The following KIAA1671 variants were observed in gnomAD, a reference collection of about 807,000 sequenced individuals.
The protein encoded by KIAA1671 is uncharacterized protein KIAA1671.
A neutral mutation model predicts 131.2 loss-of-function variants in KIAA1671; 52 were observed. That is an observed-to-expected ratio of 0.40 (90% confidence interval 0.32 to 0.50). KIAA1671 has a LOEUF of 0.50. Ranked by LOEUF, KIAA1671 falls within the 20% of genes least tolerant of loss-of-function variation. The probability of loss-of-function intolerance (pLI) is 0.73; values close to 1 mark genes in which losing one functional copy is unlikely to be tolerated. For synonymous variants in KIAA1671, 1,003 were observed against 961.6 expected, an observed-to-expected ratio of 1.04 and a Z score of -0.80; for missense variants, 2,360 against 2,364.2, an observed-to-expected ratio of 1.00 and a Z score of 0.04.
rs1934849525 is a variant in KIAA1671, at chr22:25,196,987, G to A, written c.*4586G>A. 2.0e-5 allele frequency: 3 copies of A among 152,152 alleles called. No homozygotes were observed. The highest frequency in any genetic ancestry group is 2.0e-4 in the Admixed American group (3 of 15,264). 9.4% of individuals were successfully genotyped at this position (152,152 alleles called of 1,614,324 possible). On this transcript the variant is annotated 3_prime_UTR_variant, in exon 13 of 13. Coordinates refer to ENST00000358431, the MANE Select transcript of KIAA1671 (RefSeq NM_001145206.2). ...AGAGACACACACACACACAAGTATA[G>A]TATATATTTTCCTAACCTTTCTTCT... is the stretch of plus-strand genomic sequence containing the variant.
chr22:25,024,976 G>A (rs911682897), intron 1 of KIAA1671, among the ~76,000 whole-genome samples: 6 of 152,112 alleles, frequency 3.9e-5, no homozygotes, highest in Non-Finnish European at 8.8e-5. Flanking sequence ...TGTGGTCTGT[G>A]TCTGTGTGTG....
chr22:25,034,345 CACG>C (rs1926472561), intron 4 of KIAA1671, among the ~76,000 whole-genome samples: 1 of 152,130 alleles, frequency 6.6e-6, no homozygotes, highest in South Asian at 2.1e-4. Flanking sequence ...CACACCCGGC[CACG>C]ACGTTGTAAT....
chr22:25,096,351 T>C (rs764620437), intron 6 of KIAA1671, among the ~76,000 whole-genome samples: 4 of 152,194 alleles, frequency 2.6e-5, no homozygotes, highest in Non-Finnish European at 5.9e-5. Flanking sequence ...GCTGCCTCTC[T>C]GTGCCTGTTC....
At chr22:25,082,610 A>T (rs1328671673) in intron 6 of KIAA1671, among the ~76,000 whole-genome samples, 1 of 152,186 alleles carries the variant, frequency 6.6e-6, no homozygotes, top group Admixed American at 6.5e-5. Context: ...AGGTGGGAGG[A>T]TCACTTGAAC....
At chr22:25,038,625 T>G in intron 4 of KIAA1671, 135 bp from the exon 5 acceptor site, 9 of 905,586 alleles carry the variant, frequency 9.9e-6, no homozygotes, top group Non-Finnish European at 1.3e-5. Flanking sequence ...ACACTGGGTG[T>G]GTTCATTCTT....
chr22:25,142,682 A>G (rs1932823636), intron 6 of KIAA1671, among the ~76,000 whole-genome samples: 1 of 152,044 alleles, frequency 6.6e-6, no homozygotes. Context: ...GACCAGCCTG[A>G]CTGATATGGT....
intron 6 of KIAA1671, among the ~76,000 whole-genome samples, chr22:25,134,794 C>T (rs1358054556): frequency 6.6e-6 from 1 of 152,170 alleles, no homozygotes; most frequent in African/African-American, 2.4e-5. Context: ...CCACCACTTG[C>T]CAGCTCTGTA....
chr22:25,019,102 A>G (rs1432491146), intron 1 of KIAA1671, among the ~76,000 whole-genome samples: 1 of 140,812 alleles, frequency 7.1e-6, no homozygotes, highest in Non-Finnish European at 1.5e-5. Flanking sequence ...GTTTTAATTA[A>G]GTAATAGCCA....
intron 6 of KIAA1671, among the ~76,000 whole-genome samples, chr22:25,115,617 C>T (rs982904198): frequency 1.3e-5 from 2 of 152,072 alleles, no homozygotes; most frequent in African/African-American, 4.8e-5. Context: ...GTGAGTCCTA[C>T]CTTCCTAGAA....
intron 1 of KIAA1671, among the ~76,000 whole-genome samples, chr22:24,972,209 A>C (rs960372667): frequency 6.6e-6 from 1 of 152,240 alleles, no homozygotes; most frequent in African/African-American, 2.4e-5. Flanking sequence ...CAACTAAAAT[A>C]TTGATCATAA....
chr22:24,975,310 C>CT (rs113950279), intron 1 of KIAA1671, among the ~76,000 whole-genome samples: 2,417 of 138,928 alleles, frequency 0.017, 51 homozygotes, highest in Admixed American at 0.081. Context: ...ATCAGTGATT[C>CT]TTTTTTTTTT....
chr22:25,112,611 C>T (rs769826063), intron 6 of KIAA1671: 1 of 389,734 alleles, frequency 2.6e-6, no homozygotes, highest in South Asian at 1.4e-4. Flanking sequence ...TTCCTGTCCC[C>T]TGTACCTGGG....
At chr22:25,179,379 C>T (rs577570834) in intron 9 of KIAA1671, 1 of 1,606,536 alleles carries the variant, frequency 6.2e-7, no homozygotes, top group East Asian at 2.3e-5. Context: ...CTCGCGCAGC[C>T]GCTCGCGCAG....
chr22:24,955,383 G>T (rs1293671974), intron 1 of KIAA1671, among the ~76,000 whole-genome samples: 1 of 152,196 alleles, frequency 6.6e-6, no homozygotes, highest in African/African-American at 2.4e-5. Context: ...AGGAGGAGGG[G>T]CTGATGCCTT....
chr22:25,029,436 T>C lies in KIAA1671; in HGVS notation c.1437T>C (p.Val479=), dbSNP rs11704674. Residue 479 remains valine (V), a synonymous_variant, in exon 3 of 13, where the codon GTT becomes GTC. Transcript: ENST00000358431. ...AGCCGGAGAAAGGGGTTGTGAGCGT[T>C]CAGGAACGGATCAGAGGCTGGACTG... ...APEPEKGVVS[V]QERIRGWTAE... is the part of the protein sequence containing the mutation. 0.26 allele frequency: 397,827 copies of C among 1,551,130 alleles called. 54,215 individuals carry two copies. The highest frequency in any genetic ancestry group is 0.53 in the African/African-American group (38,464 of 73,070).
intron 6 of KIAA1671, among the ~76,000 whole-genome samples, chr22:25,106,807 CT>C (rs1931026527): frequency 6.6e-6 from 1 of 152,030 alleles, no homozygotes; most frequent in African/African-American, 2.4e-5. Context: ...TATTTTTTTC[CT>C]TTTGCCTCTG....
intron 6 of KIAA1671, among the ~76,000 whole-genome samples, chr22:25,151,115 T>G (rs1933024973): frequency 6.6e-6 from 1 of 151,882 alleles, no homozygotes; most frequent in Admixed American, 6.6e-5. Flanking sequence ...ATTACAGGCG[T>G]GAGCCACTGC....
chr22:25,031,022 TTTTTA>T (rs1270942090), intron 3 of KIAA1671, among the ~76,000 whole-genome samples: 1 of 152,056 alleles, frequency 6.6e-6, no homozygotes, highest in Non-Finnish European at 1.5e-5. Context: ...ATTTTGGTAG[TTTTTA>T]TTTTATTTTT....
At chr22:25,079,024 C>G (rs1464497828) in intron 6 of KIAA1671, among the ~76,000 whole-genome samples, 1 of 152,188 alleles carries the variant, frequency 6.6e-6, no homozygotes, top group Non-Finnish European at 1.5e-5. Context: ...TTGATAGCAA[C>G]TTCCTCGTGG....
Sources: gnomAD v4.1 joint callset for allele counts (sites outside exome capture counted in the v4.1 genomes callset) on GRCh38, gnomAD v4.1.1 for gene constraint, MANE v1.5 for transcripts, NCBI Gene and HGNC (gene_info 2026-07-23, HGNC 2026-07-21) for gene names.